Variants in FLI1 observed in about 807,000 individuals in gnomAD.
FLI1 encodes the protein Fli-1 proto-oncogene, ETS transcription factor.
A neutral mutation model predicts 53.1 loss-of-function variants in FLI1; 13 were observed. That is an observed-to-expected ratio of 0.24 (90% CI 0.16 to 0.39). The LOEUF is 0.39. FLI1 is among the 10% of genes least tolerant of loss of function. The pLI is 1.00. For synonymous variants in FLI1, 244 were observed against 236.7 expected, an observed-to-expected ratio of 1.03 and a Z score of -0.28; for missense variants, 424 against 600.5, an observed-to-expected ratio of 0.71 and a Z score of 3.07.
chr11:128,757,413 T>C (rs1940936896), intron 1 of FLI1, among the ~76,000 whole-genome samples: 1 of 152,012 alleles, frequency 6.6e-6, no homozygotes, highest in Non-Finnish European at 1.5e-5. Flanking sequence ...GTCATCAACA[T>C]TGAGATCTAC....
chr11:128,799,058 C>CTTTTTTTTTTTTTTTTTTTTTTTTTTT (rs1942544964), intron 5 of FLI1, among the ~76,000 whole-genome samples: 1 of 102,780 alleles, frequency 9.7e-6, no homozygotes, highest in African/African-American at 3.9e-5. Context: ...TATTATTTTG[C>CTTTTTTTTTTTTTTTTTTTTTTTTTTT]TTTGGAGACA....
intron 4 of FLI1, among the ~76,000 whole-genome samples, chr11:128,778,883 A>G (rs1198743006): frequency 6.6e-6 from 1 of 152,200 alleles, no homozygotes; most frequent in Non-Finnish European, 1.5e-5. Flanking sequence ...TTCCTTAAGA[A>G]AACAGAGCCT....
chr11:128,694,721 C>T (rs1278151275), intron 1 of FLI1, among the ~76,000 whole-genome samples: 1 of 152,180 alleles, frequency 6.6e-6, no homozygotes, highest in Non-Finnish European at 1.5e-5. Context: ...GGGCTGCAGT[C>T]GCCCGGGCTC....
At chr11:128,751,358 CT>C (rs55904040) in intron 1 of FLI1, among the ~76,000 whole-genome samples, 34,383 of 142,434 alleles carry the variant, frequency 0.24, 4,707 homozygotes, top group South Asian at 0.34. Flanking sequence ...TTTTTTTTAA[CT>C]TTTTTTTTTT....
intron 5 of FLI1, among the ~76,000 whole-genome samples, chr11:128,795,493 A>G (rs1439360360): frequency 1.3e-5 from 2 of 152,188 alleles, no homozygotes; most frequent in Non-Finnish European, 2.9e-5. Flanking sequence ...CTTATGTCCC[A>G]TGAACTAAAC....
intron 1 of FLI1, among the ~76,000 whole-genome samples, chr11:128,711,849 T>A (rs959301635): frequency 6.6e-6 from 1 of 152,260 alleles, no homozygotes; most frequent in Non-Finnish European, 1.5e-5. Context: ...GTAATATTTC[T>A]TCTTAAGTAT....
intron 1 of FLI1, among the ~76,000 whole-genome samples, chr11:128,699,326 A>G (rs1468960335): frequency 1.3e-5 from 2 of 152,232 alleles, no homozygotes; most frequent in Non-Finnish European, 2.9e-5. Context: ...AAAAAAATAG[A>G]AAGAAAGAAA....
intron 1 of FLI1, among the ~76,000 whole-genome samples, chr11:128,703,754 AATCGCTTGAAC>A (rs1283614872): frequency 6.7e-6 from 1 of 149,984 alleles, no homozygotes; most frequent in Non-Finnish European, 1.5e-5. Context: ...GAGGCAGGAG[AATCGCTTGAAC>A]CCAGGAGGCA....
intron 1 of FLI1, among the ~76,000 whole-genome samples, chr11:128,725,871 TCA>T (rs1488274902): frequency 1.3e-5 from 2 of 152,066 alleles, no homozygotes; most frequent in Non-Finnish European, 2.9e-5. Flanking sequence ...CAGTGTGAGA[TCA>T]CAGCTGGCTC....
intron 5 of FLI1, among the ~76,000 whole-genome samples, chr11:128,799,052 A>ATTATTTTTT (rs1555125698): frequency 1.4e-5 from 2 of 140,444 alleles, no homozygotes; most frequent in African/African-American, 5.2e-5. Context: ...TATTATTATT[A>ATTATTTTTT]TTTTGCTTTG....
chr11:128,720,828 C>T (rs184015879), intron 1 of FLI1, among the ~76,000 whole-genome samples: 7 of 152,286 alleles, frequency 4.6e-5, no homozygotes, highest in Middle Eastern at 3.4e-3. Context: ...CAGGGTCAGC[C>T]GGGCTCCTTG....
intron 3 of FLI1, 50 bp downstream of exon 3, chr11:128,768,322 G>C (rs757305967): frequency 8.6e-4 from 56 of 64,832 alleles, no homozygotes; most frequent in Non-Finnish European, 1.3e-3. Context: ...CCCACTCTCT[G>C]GGGGGGCAGG....
intron 5 of FLI1, among the ~76,000 whole-genome samples, chr11:128,787,769 C>A (rs892811392): frequency 1.3e-5 from 2 of 150,854 alleles, no homozygotes; most frequent in Non-Finnish European, 2.9e-5. Flanking sequence ...AGTACAAATT[C>A]TAATAGTAAT....
chr11:128,736,215 C>T (rs1452264220), intron 1 of FLI1, among the ~76,000 whole-genome samples: 1 of 149,200 alleles, frequency 6.7e-6, no homozygotes. Context: ...CTTTCCTTTC[C>T]GAAGAGCTGT....
At chr11:128,806,756 G>A (rs1380780647) in intron 6 of FLI1, 1 of 153,462 alleles carries the variant, frequency 6.5e-6, no homozygotes, top group East Asian at 1.9e-4. Flanking sequence ...GGAAGCAGCT[G>A]ATCTTTGCTC....
chr11:128,760,921 C>CA lies in FLI1; in HGVS notation c.230+2595_230+2596insA, dbSNP rs1941092077. Among the ~76,000 whole-genome samples, 11 of 152,338 alleles carry CA rather than the reference C, an allele frequency of 7.2e-5. No individual in the cohort carries two copies. In the South Asian group the frequency reaches 2.3e-3, roughly 32 times the overall value. Reference sequence around the variant, plus strand: ...GCAAGCCAGCAGCACCTCTCCTAGGCTTCTGCGGGGGCATCCTGCTCTCCC... The same window carrying CA: ...GCAAGCCAGCAGCACCTCTCCTAGGCATTCTGCGGGGGCATCCTGCTCTCCC... On this transcript the variant is annotated intron_variant, in intron 2 of 8. Transcript: ENST00000527786.
At chr11:128,789,688 T>C (rs148130842) in intron 5 of FLI1, among the ~76,000 whole-genome samples, 1 of 152,178 alleles carries the variant, frequency 6.6e-6, no homozygotes, top group African/African-American at 2.4e-5. Context: ...TTTGGCAGCC[T>C]TGTGTGTGTG....
intron 1 of FLI1, among the ~76,000 whole-genome samples, chr11:128,743,004 T>TGACTTTGGGTTTCTC (rs1940203534): frequency 6.6e-6 from 1 of 152,124 alleles, no homozygotes; most frequent in African/African-American, 2.4e-5. Flanking sequence ...CTGGCTTCAT[T>TGACTTTGGGTTTCTC]GACTTTGGGT....
rs147722222 is a variant in FLI1, at chr11:128,711,156, A to C, written c.18+16880A>C. Among the ~76,000 whole-genome samples the C allele has an allele frequency of 3.0e-3, 457 of 152,322 alleles. 1 individual carries two copies. Among genetic ancestry groups the C allele is most frequent in the African/African-American group, 0.01 (426 of 41,550 alleles). ...GTAAAATTGTGTTCTTTTTTCATTA[A>C]GTCAATTAAGTTTAATTAGTTGATT... On this transcript the variant is annotated intron_variant, in intron 1 of 8. Transcript: ENST00000527786.
Sources: allele counts gnomAD v4.1 joint callset (sites outside exome capture counted in the v4.1 genomes callset), GRCh38; gene constraint gnomAD v4.1.1; transcripts MANE v1.5; gene names NCBI Gene and HGNC (gene_info 2026-07-23, HGNC 2026-07-21).